HDAC9: variants seen among roughly 807,000 people sequenced by gnomAD.
HDAC9 encodes MEF-2 interacting transcription repressor (MITR) protein.
Under a neutral mutation model 139.4 loss-of-function variants are expected in HDAC9, and 41 were observed. The ratio of observed to expected loss-of-function variants is 0.29; its 90% CI spans 0.23 to 0.38. The LOEUF (loss-of-function observed/expected upper bound fraction) is 0.38. Ranked by LOEUF, HDAC9 falls within the 10% of genes least tolerant of loss-of-function variation. The pLI is 1.00. For synonymous variants in HDAC9, 517 were observed against 476.2 expected (o/e 1.09, Z -1.12); for missense variants, 1,147 against 1,297.0 (o/e 0.88, Z 1.78).
At chr7:18,594,121 T>C in intron 6 of HDAC9, 92 bp downstream of exon 6, 2 of 1,396,644 alleles carry the variant, frequency 1.4e-6, no homozygotes, top group South Asian at 2.5e-5. Flanking sequence ...TCAAAGGATT[T>C]GAGTCGTAGA....
chr7:18,782,362 A>C (rs537788764), intron 16 of HDAC9, among the ~76,000 whole-genome samples: 1 of 152,104 alleles, frequency 6.6e-6, no homozygotes, highest in South Asian at 2.1e-4. Flanking sequence ...TACAAAGGAG[A>C]CTGTGCCTAA....
intron 2 of HDAC9, among the ~76,000 whole-genome samples, chr7:18,170,904 G>A (rs1461852119): frequency 1.3e-5 from 2 of 152,086 alleles, no homozygotes; most frequent in Admixed American, 1.3e-4. Context: ...TGTTCTTTTG[G>A]CTTAGGATTG....
intron 12 of HDAC9, among the ~76,000 whole-genome samples, chr7:18,726,437 C>A (rs187945135): frequency 1.6e-3 from 250 of 152,206 alleles, no homozygotes; most frequent in Non-Finnish European, 3.1e-3. Flanking sequence ...AAATGCTAGT[C>A]AGATAGGAAG....
chr7:18,534,253 G>C (rs1006696913), intron 2 of HDAC9, among the ~76,000 whole-genome samples: 1 of 152,178 alleles, frequency 6.6e-6, no homozygotes, highest in Non-Finnish European at 1.5e-5. Context: ...TGTGTATGTG[G>C]TTAGAAAGAA....
chr7:18,582,364 C>A (rs1180794567), intron 2 of HDAC9, among the ~76,000 whole-genome samples: 1 of 152,108 alleles, frequency 6.6e-6, no homozygotes, highest in African/African-American at 2.4e-5. Context: ...AATTTAAAAA[C>A]TAATATGATT....
intron 2 of HDAC9, among the ~76,000 whole-genome samples, chr7:18,185,785 G>T (rs1789862127): frequency 6.6e-6 from 1 of 152,110 alleles, no homozygotes; most frequent in Non-Finnish European, 1.5e-5. Context: ...TGGAGTAAAT[G>T]GGACACTTGC....
At chr7:18,356,816 A>C (rs1783347227) in intron 1 of HDAC9, among the ~76,000 whole-genome samples, 1 of 152,172 alleles carries the variant, frequency 6.6e-6, no homozygotes, top group Admixed American at 6.6e-5. Flanking sequence ...AGTTCTCCTC[A>C]ATGTATGAAT....
At chr7:18,282,802 A>G (rs1797185780) in intron 2 of HDAC9, among the ~76,000 whole-genome samples, 1 of 152,018 alleles carries the variant, frequency 6.6e-6, no homozygotes, top group African/African-American at 2.4e-5. Context: ...TCACCTTGTG[A>G]ACAGAACTAG....
At chr7:18,297,830 A>G (rs1585052831) in intron 1 of HDAC9, among the ~76,000 whole-genome samples, 1 of 152,170 alleles carries the variant, frequency 6.6e-6, no homozygotes, top group Non-Finnish European at 1.5e-5. Context: ...ACATTTCTTC[A>G]TCTTCACAAT....
At chr7:18,961,611 C>T (rs201164544) in intron 24 of HDAC9, among the ~76,000 whole-genome samples, 1 of 152,130 alleles carries the variant, frequency 6.6e-6, no homozygotes, top group East Asian at 1.9e-4. Context: ...ATTATTTACA[C>T]AATACAAACC....
At chr7:18,344,089 A>G (rs1368084931) in intron 1 of HDAC9, among the ~76,000 whole-genome samples, 1 of 151,750 alleles carries the variant, frequency 6.6e-6, no homozygotes, top group Non-Finnish European at 1.5e-5. Context: ...GTCTTGGGGG[A>G]GTGGCCTTTG....
intron 21 of HDAC9, among the ~76,000 whole-genome samples, chr7:18,873,324 C>T (rs10247184): frequency 0.034 from 5,131 of 152,170 alleles, 267 homozygotes; most frequent in East Asian, 0.13. Context: ...GTGGAAGTCA[C>T]TTACATGTGT....
chr7:18,138,707 A>G (rs1442312201), intron 1 of HDAC9, among the ~76,000 whole-genome samples: 2 of 152,076 alleles, frequency 1.3e-5, no homozygotes, highest in Admixed American at 6.6e-5. Flanking sequence ...GCTCAAGTCT[A>G]TTTCATTAAG....
intron 12 of HDAC9, among the ~76,000 whole-genome samples, chr7:18,724,633 C>T (rs562653460): frequency 1.6e-4 from 24 of 152,224 alleles, no homozygotes; most frequent in African/African-American, 5.5e-4. Flanking sequence ...TGTGCTATGA[C>T]ATTAGGAAGG....
chr7:18,598,741 A>G (rs1833143529), intron 6 of HDAC9, among the ~76,000 whole-genome samples: 1 of 152,186 alleles, frequency 6.6e-6, no homozygotes, highest in African/African-American at 2.4e-5. Flanking sequence ...ACATTCTTCT[A>G]CCTTTATTAA....
intron 25 of HDAC9, among the ~76,000 whole-genome samples, chr7:18,978,543 TG>T (rs1784695307): frequency 6.6e-6 from 1 of 152,100 alleles, no homozygotes; most frequent in Non-Finnish European, 1.5e-5. Flanking sequence ...CATACTTTTC[TG>T]GGGGCAAAAG....
chr7:18,224,520 G>T (rs1792919407), intron 2 of HDAC9, among the ~76,000 whole-genome samples: 1 of 152,110 alleles, frequency 6.6e-6, no homozygotes, highest in South Asian at 2.1e-4. Flanking sequence ...CCGCAAACAG[G>T]TTTGTTCCCT....
chr7:18,250,998 A>AT lies in HDAC9; in HGVS notation c.25+88651dup, dbSNP rs201906082. Among the ~76,000 whole-genome samples the AT allele has an allele frequency of 8.8e-3, 1,347 of 152,244 alleles. 50 individuals are homozygous for AT. Among genetic ancestry groups the AT allele is most frequent in the Admixed American group, 0.058 (880 of 15,286 alleles). On this transcript the variant is annotated intron_variant, in intron 2 of 12. Transcript: ENST00000417496. ...AAATACCATTTGATTCAGCAATCCCATTACTGGATATATACCCAAAGGAAT... is the reference window on the plus strand; with the variant it reads ...AAATACCATTTGATTCAGCAATCCCATTTACTGGATATATACCCAAAGGAAT...
At chr7:18,751,608 T>C (rs888922713) in intron 14 of HDAC9, among the ~76,000 whole-genome samples, 5 of 152,086 alleles carry the variant, frequency 3.3e-5, no homozygotes, top group Non-Finnish European at 7.4e-5. Context: ...AAACATGAAA[T>C]GGAACTTCTA....
Sources: gnomAD v4.1 joint callset for allele counts (sites outside exome capture counted in the v4.1 genomes callset) on GRCh38, gnomAD v4.1.1 for gene constraint, MANE v1.5 for transcripts, NCBI Gene and HGNC (gene_info 2026-07-23, HGNC 2026-07-21) for gene names.